MORC1: variants seen among roughly 807,000 people sequenced by gnomAD.
MORC1 encodes MORC family CW-type zinc finger 1, also known as MORC family CW-type zinc finger protein 1.
MORC1 carries 59 observed loss-of-function variants against 134.9 expected under a neutral mutation model. The observed-to-expected ratio is 0.44, with a 90% CI of 0.35 to 0.54. MORC1 has a LOEUF of 0.54. Ranked by LOEUF, MORC1 falls within the 20% of genes least tolerant of loss-of-function variation. The pLI, the probability that MORC1 is intolerant of heterozygous loss-of-function variation, is 0.00. For synonymous variants in MORC1, 395 were observed against 391.7 expected, an observed-to-expected ratio of 1.01 and a Z score of -0.10; for missense variants, 947 against 1,134.5, an observed-to-expected ratio of 0.83 and a Z score of 2.37.
chr3:109,055,079 A>G (rs1255417076), intron 13 of MORC1, among the ~76,000 whole-genome samples, 197 bp from the exon 14 acceptor site: 1 of 152,148 alleles, frequency 6.6e-6, no homozygotes, highest in African/African-American at 2.4e-5. Flanking sequence ...GTCCCATAAT[A>G]AAAAAATCAC....
At chr3:109,027,310 C>G (rs953308863) in intron 17 of MORC1, among the ~76,000 whole-genome samples, 1 of 152,144 alleles carries the variant, frequency 6.6e-6, no homozygotes, top group Non-Finnish European at 1.5e-5. Context: ...ATTAAATATG[C>G]TTTGACTTTC....
intron 6 of MORC1, 37 bp downstream of exon 6, chr3:109,099,321 A>T (rs766895779): frequency 1.5e-5 from 21 of 1,434,428 alleles, no homozygotes; most frequent in Non-Finnish European, 2.0e-5. Context: ...AAGCAACATC[A>T]TTGCTATGGG....
At chr3:109,012,345 C>T (rs1948706786) in intron 17 of MORC1, among the ~76,000 whole-genome samples, 2 of 152,164 alleles carry the variant, frequency 1.3e-5, no homozygotes, top group South Asian at 4.1e-4. Context: ...GACTTAATTA[C>T]AGTTTTATTA....
Position 109,114,582 on chromosome 3 carries a change from G to T in MORC1, c.66-145C>A, listed in dbSNP as rs76624072. On this transcript the variant is annotated intron_variant, in intron 1 of 27. Coordinates refer to ENST00000232603, the MANE Select transcript of MORC1 (RefSeq NM_014429.4). ...ACTCTAGAAACAACTCTCTCAGCAC[G>T]GTCAAGATTCGGAACTAGATACCCT... 9.6e-3 allele frequency: 6,504 copies of T among 675,984 alleles called. 309 individuals carry two copies. The African/African-American group carries it at 0.11, about 11-fold the overall frequency. 41.9% of individuals were successfully genotyped at this position (675,984 alleles called of 1,614,324 possible). A position where few individuals can be genotyped will look rare whatever the true frequency, so the allele number is the denominator to read the frequency against.
chr3:109,038,154 A>G (rs1949423698), intron 14 of MORC1, among the ~76,000 whole-genome samples: 1 of 152,212 alleles, frequency 6.6e-6, no homozygotes, highest in East Asian at 1.9e-4. Flanking sequence ...ATGAGATGGT[A>G]TCTCACTGTG....
rs569962592 is a variant in MORC1 at position 108,977,565 on chromosome 3, G to C, written c.2477+1950C>G. On this transcript the variant is annotated intron_variant, in intron 24 of 27. Coordinates refer to ENST00000232603, the MANE Select transcript of MORC1 (RefSeq NM_014429.4). ...GCCTGATTCACTTGTAGTAATGTCC[G>C]AATAATTGAACATGTGGTCATATCT... Among the ~76,000 whole-genome samples the C allele has an allele frequency of 3.3e-5, 5 of 152,120 alleles. No individual in the cohort carries two copies. In the South Asian group the frequency reaches 1.0e-3, roughly 32 times the overall value.
intron 23 of MORC1, among the ~76,000 whole-genome samples, 164 bp from the exon 24 acceptor site, chr3:108,979,831 A>C (rs1026670788): frequency 3.9e-5 from 6 of 152,232 alleles, no homozygotes; most frequent in Non-Finnish European, 7.3e-5. Context: ...ACAAATTCTT[A>C]ATTAGAAGAA....
chr3:109,059,769 C>T (rs1026841516), intron 12 of MORC1, 37 bp downstream of exon 12: 2 of 1,584,598 alleles, frequency 1.3e-6, no homozygotes, highest in African/African-American at 1.4e-5. Flanking sequence ...TAACAGAGTA[C>T]AGAGGATTCC....
At chr3:108,959,771 C>T (rs913061784) in intron 27 of MORC1, among the ~76,000 whole-genome samples, 21 of 152,130 alleles carry the variant, frequency 1.4e-4, no homozygotes, top group African/African-American at 5.1e-4. Flanking sequence ...AATCAACTCA[C>T]ACTAAGTTGT....
intron 17 of MORC1, among the ~76,000 whole-genome samples, chr3:109,014,030 C>CTATAACAAAATA: frequency 6.6e-6 from 1 of 152,282 alleles, no homozygotes; most frequent in Admixed American, 6.5e-5. Flanking sequence ...TTATAAATTA[C>CTATAACAAAATA]CCAATCTTTG....
At chr3:108,978,828 A>G (rs1433660170) in intron 24 of MORC1, among the ~76,000 whole-genome samples, 2 of 152,148 alleles carry the variant, frequency 1.3e-5, no homozygotes, top group East Asian at 3.9e-4. Flanking sequence ...AAGACCCTTA[A>G]AACCCAACAA....
chr3:109,060,037 A>G (rs1347594820), intron 11 of MORC1, among the ~76,000 whole-genome samples, 167 bp from the exon 12 acceptor site: 1 of 152,180 alleles, frequency 6.6e-6, no homozygotes, highest in Non-Finnish European at 1.5e-5. Flanking sequence ...TTCAGTTCCA[A>G]TACTTTAGAA....
chr3:109,043,201 G>GGGC (rs1949602257), intron 14 of MORC1, among the ~76,000 whole-genome samples: 1 of 87,270 alleles, frequency 1.1e-5, no homozygotes, highest in Admixed American at 1.4e-4. Flanking sequence ...GGGGGGGGGG[G>GGGC]TGTGTATAAC....
intron 17 of MORC1, among the ~76,000 whole-genome samples, chr3:109,014,417 C>A (rs1948768366): frequency 6.6e-6 from 1 of 152,086 alleles, no homozygotes. Context: ...TCACCTCTTT[C>A]ATAGCCAAAA....
intron 17 of MORC1, among the ~76,000 whole-genome samples, chr3:109,013,245 T>C (rs1218593523): frequency 6.6e-6 from 1 of 152,174 alleles, no homozygotes; most frequent in Admixed American, 6.5e-5. Flanking sequence ...TTTTTTAGTG[T>C]ATCTGTTTAG....
At chr3:109,056,481 G>T (rs1156383226) in intron 13 of MORC1, among the ~76,000 whole-genome samples, 1 of 152,070 alleles carries the variant, frequency 6.6e-6, no homozygotes, top group African/African-American at 2.4e-5. Context: ...CCCACCTCGG[G>T]CTCCCAAAGC....
chr3:109,077,448 T>G (rs1218267400), intron 8 of MORC1, among the ~76,000 whole-genome samples: 1 of 152,136 alleles, frequency 6.6e-6, no homozygotes, highest in Non-Finnish European at 1.5e-5. Flanking sequence ...AAATACATAC[T>G]AAGACCATAT....
chr3:109,093,566 T>A, intron 7 of MORC1, 25 bp from the exon 8 acceptor site: 1 of 1,481,374 alleles, frequency 6.8e-7, no homozygotes, highest in Non-Finnish European at 9.4e-7. Context: ...GATGTTTGAC[T>A]TGTCAGTATT....
chr3:109,010,777 T>C (rs1948663704), intron 17 of MORC1, among the ~76,000 whole-genome samples: 1 of 152,342 alleles, frequency 6.6e-6, no homozygotes, highest in African/African-American at 2.4e-5. Flanking sequence ...TAATCTTGAC[T>C]TCTTTCACTT....
Sources: allele counts gnomAD v4.1 joint callset (sites outside exome capture counted in the v4.1 genomes callset), GRCh38; gene constraint gnomAD v4.1.1; transcripts MANE v1.5; gene names NCBI Gene and HGNC (gene_info 2026-07-23, HGNC 2026-07-21).